PSMD1: variants seen among roughly 807,000 people sequenced by gnomAD.
PSMD1 encodes proteasome 26S subunit, non-ATPase 1.
Under a neutral mutation model 119.0 loss-of-function variants are expected in PSMD1, and 18 were observed. That is an observed-to-expected ratio of 0.15 (90% CI 0.10 to 0.22). The LOEUF (loss-of-function observed/expected upper bound fraction) is 0.22, where lower values mean the gene tolerates loss of function less well. Among genes scored for constraint, PSMD1 ranks in the 10% least tolerant of loss-of-function variants. PSMD1 has a pLI of 1.00. For synonymous variants in PSMD1, 374 were observed against 396.6 expected (o/e 0.94, Z 0.68); for missense variants, 702 against 1,158.5 (o/e 0.61, Z 5.72).
At chr2:231,118,987 A>C (rs1055994352) in intron 16 of PSMD1, among the ~76,000 whole-genome samples, 2 of 152,198 alleles carry the variant, frequency 1.3e-5, no homozygotes, top group Non-Finnish European at 2.9e-5. Context: ...GAAAAGAAAG[A>C]CATAGTTCAG....
At chr2:231,157,114 A>G (rs530198482) in intron 19 of PSMD1, among the ~76,000 whole-genome samples, 54 of 152,118 alleles carry the variant, frequency 3.5e-4, no homozygotes, top group Middle Eastern at 3.4e-3. Context: ...TTTAAAGTGT[A>G]TGATTTTAGA....
intron 17 of PSMD1, 89 bp from the exon 18 acceptor site, chr2:231,146,150 GA>G: frequency 3.5e-6 from 3 of 856,602 alleles, no homozygotes; most frequent in Admixed American, 3.8e-5. Flanking sequence ...TCACTTCCCA[GA>G]ATGTCGTTAC....
In PSMD1 at chr2:231,163,360, T is replaced by C. The variant is rs530413349; in HGVS notation, c.2389-275T>C. The C allele has an allele frequency of 3.4e-5, 11 of 324,426 alleles. No individual in the cohort carries two copies. The South Asian group carries it at 6.2e-4, about 18-fold the overall frequency. 20.1% of individuals were successfully genotyped at this position (324,426 alleles called of 1,614,324 possible). A position where few individuals can be genotyped will look rare whatever the true frequency, so the allele number is the denominator to read the frequency against. On this transcript the variant is annotated intron_variant, in intron 20 of 24. Transcript: ENST00000308696. ...GTTGATCTGATGCTCACACCATGAA[T>C]AGGACTTACCCATTGAAGCAGGTTG...
At position 231,056,876 on chromosome 2, in the gene PSMD1, A is replaced by T. The variant is rs1693603084; in HGVS notation, c.-150A>T. The T allele has an allele frequency of 8.9e-7, 1 of 1,120,480 alleles. No individual in the cohort carries two copies. Among genetic ancestry groups the T allele is most frequent in the Non-Finnish European group, 1.3e-6 (1 of 782,944 alleles). 69.4% of individuals were successfully genotyped at this position (1,120,480 alleles called of 1,614,324 possible). A position where few individuals can be genotyped will look rare whatever the true frequency, so the allele number is the denominator to read the frequency against. Reference sequence around the variant, plus strand: ...CCCCTGGGCGGGCGGGGTCCTGGCGAGAAGCGAGCCGGCGGCCTGAGGAGG... The same window carrying T: ...CCCCTGGGCGGGCGGGGTCCTGGCGTGAAGCGAGCCGGCGGCCTGAGGAGG... On this transcript the variant is annotated 5_prime_UTR_variant, in exon 1 of 25. Coordinates refer to ENST00000308696, the MANE Select transcript of PSMD1 (RefSeq NM_002807.4).
chr2:231,098,329 G>A (rs1179968529), intron 16 of PSMD1, among the ~76,000 whole-genome samples: 1 of 152,018 alleles, frequency 6.6e-6, no homozygotes, highest in Non-Finnish European at 1.5e-5. Context: ...AATTTATCCT[G>A]GCTTTTAAAG....
intron 16 of PSMD1, among the ~76,000 whole-genome samples, chr2:231,124,564 A>G (rs1695670959): frequency 6.6e-6 from 1 of 152,016 alleles, no homozygotes; most frequent in Non-Finnish European, 1.5e-5. Context: ...GTCATTTTAG[A>G]TTTCCTTTAG....
intron 16 of PSMD1, among the ~76,000 whole-genome samples, chr2:231,090,322 A>C (rs1258344151): frequency 6.6e-6 from 1 of 152,150 alleles, no homozygotes; most frequent in African/African-American, 2.4e-5. Flanking sequence ...GCGGCAGATC[A>C]CCCAAGATCA....
At chr2:231,129,700 A>G (rs1026664271) in intron 16 of PSMD1, among the ~76,000 whole-genome samples, 2 of 152,370 alleles carry the variant, frequency 1.3e-5, no homozygotes, top group East Asian at 3.9e-4. Context: ...TACAAATAGC[A>G]GTAGCTTAGA....
chr2:231,111,393 C>T (rs1200985233), intron 16 of PSMD1, among the ~76,000 whole-genome samples: 1 of 152,166 alleles, frequency 6.6e-6, no homozygotes, highest in Non-Finnish European at 1.5e-5. Context: ...AATGAGACTT[C>T]ATTCATCTCA....
intron 16 of PSMD1, among the ~76,000 whole-genome samples, chr2:231,094,463 G>A (rs1361581875): frequency 6.6e-6 from 1 of 152,152 alleles, no homozygotes; most frequent in Non-Finnish European, 1.5e-5. Context: ...TGCACACAGG[G>A]TGGGCTCGAG....
Position 231,078,662 on chromosome 2 carries a change from G to A in PSMD1, c.1075G>A (p.Ala359Thr). 6.2e-7 allele frequency: 1 copy of A among 1,602,434 alleles called. No individual in the cohort carries two copies. Among genetic ancestry groups the A allele is most frequent in the East Asian group, 2.3e-5 (1 of 44,354 alleles). Residue 359 changes from alanine to threonine, a missense_variant, in exon 10 of 25, where the codon GCA (alanine) becomes ACA (threonine). Ala to Thr is a moderately conservative substitution (Grantham distance 58). Around this residue, in one of 9 missense-constraint regions of PSMD1, gnomAD observed 272 missense variants for 511.6 expected, o/e 0.53. Coordinates refer to ENST00000308696, the MANE Select transcript of PSMD1 (RefSeq NM_002807.4). The part of the protein sequence containing the change: ...DLMILKNTKD[A>T]VRNSVCHTAT... Reference sequence around the variant, plus strand: ...AATTCTGTATTTGTTGTTGCAGGATGCAGTACGGAATTCTGTATGTCATAC... The same window carrying A: ...AATTCTGTATTTGTTGTTGCAGGATACAGTACGGAATTCTGTATGTCATAC...
intron 6 of PSMD1, among the ~76,000 whole-genome samples, chr2:231,071,400 C>A (rs1328366683): frequency 6.6e-6 from 1 of 151,944 alleles, no homozygotes; most frequent in Non-Finnish European, 1.5e-5. Context: ...TATTACTTGG[C>A]TCCAGCTACC....
At chr2:231,063,789 AG>A (rs1693821734) in intron 4 of PSMD1, among the ~76,000 whole-genome samples, 1 of 151,546 alleles carries the variant, frequency 6.6e-6, no homozygotes, top group African/African-American at 2.4e-5. Context: ...AGCTAGAAGC[AG>A]GGGGTGAAAT....
intron 19 of PSMD1, among the ~76,000 whole-genome samples, chr2:231,157,588 G>T (rs553995633): frequency 4.7e-5 from 7 of 149,504 alleles, no homozygotes; most frequent in East Asian, 2.0e-4. Context: ...CTTTTTTTTG[G>T]GGGGGGCCAA....
chr2:231,168,189 A>G (rs557005405), intron 23 of PSMD1, among the ~76,000 whole-genome samples: 1 of 152,374 alleles, frequency 6.6e-6, no homozygotes, highest in African/African-American at 2.4e-5. Flanking sequence ...ATATGCAGAA[A>G]TTGGAACCCT....
chr2:231,062,535 G>A lies in PSMD1; in HGVS notation c.164G>A (p.Arg55Gln), dbSNP rs745401053. 6.2e-6 allele frequency: 10 copies of A among 1,602,758 alleles called. No individual in the cohort carries two copies. The highest frequency in any genetic ancestry group is 2.2e-5 in the East Asian group (1 of 44,800). Reference sequence around the variant, plus strand: ...GTTTTATACGAAGATGAAGGTTTCCGGAGTCGGCAGTTTGCAGCCTTAGTG... The same window carrying A: ...GTTTTATACGAAGATGAAGGTTTCCAGAGTCGGCAGTTTGCAGCCTTAGTG... ...IEVLYEDEGF[R>Q]SRQFAALVAS... Residue 55 changes from arginine to glutamine, a missense_variant, in exon 4 of 25, where the codon CGG (arginine) becomes CAG (glutamine). By Grantham distance (43) the Arg-to-Gln change is conservative. Coordinates refer to ENST00000308696, the MANE Select transcript of PSMD1 (RefSeq NM_002807.4).
intron 16 of PSMD1, chr2:231,124,239 A>G (rs1559241388): frequency 1.2e-5 from 2 of 162,932 alleles, no homozygotes; most frequent in Non-Finnish European, 2.7e-5. Context: ...TGCATTTGTG[A>G]CAATGCAGCC....
intron 7 of PSMD1, among the ~76,000 whole-genome samples, chr2:231,074,563 G>A (rs1303936205): frequency 7.9e-5 from 12 of 152,038 alleles, no homozygotes; most frequent in Admixed American, 1.3e-4. Context: ...GTTCTATCAT[G>A]TTAATTTCTG....
chr2:231,136,515 G>A (rs1220176456), intron 16 of PSMD1, among the ~76,000 whole-genome samples: 2 of 152,132 alleles, frequency 1.3e-5, no homozygotes, highest in Non-Finnish European at 2.9e-5. Context: ...CCACCTTCAT[G>A]CTTTTAACCT....
Sources: allele counts gnomAD v4.1 joint callset (sites outside exome capture counted in the v4.1 genomes callset), GRCh38; gene constraint gnomAD v4.1.1; regional missense constraint gnomAD v4.1.1; transcripts MANE v1.5; gene names NCBI Gene and HGNC (gene_info 2026-07-23, HGNC 2026-07-21).